The following GNG4 variants were observed in gnomAD, a reference collection of about 807,000 sequenced individuals.
The protein encoded by GNG4 is guanine nucleotide-binding protein G(I)/G(S)/G(O) subunit gamma-4.
In GNG4, 4 loss-of-function variants were observed where a neutral mutation model predicts 5.8. That is an observed-to-expected ratio of 0.69 (90% confidence interval 0.34 to 1.57). The LOEUF (loss-of-function observed/expected upper bound fraction) is 1.57, where lower values mean the gene tolerates loss of function less well. Among genes scored for constraint, GNG4 ranks in the 40% most tolerant of loss-of-function variants. The probability of loss-of-function intolerance (pLI) is 0.06; values close to 1 mark genes in which losing one functional copy is unlikely to be tolerated. For synonymous variants in GNG4, 29 were observed against 32.9 expected (o/e 0.88, Z 0.41); for missense variants, 96 against 95.1 (o/e 1.01, Z -0.04).
In GNG4 at chr1:235,580,751, T is replaced by G. The variant is rs563273714; in HGVS notation, c.99+2989A>C. 2.3e-3 allele frequency among the ~76,000 whole-genome samples: 335 copies of G among 146,540 alleles called. 2 individuals carry two copies. Among genetic ancestry groups the G allele is most frequent in the Admixed American group, 5.2e-3 (76 of 14,550 alleles). On this transcript the variant is annotated intron_variant, in intron 3 of 3. Transcript: ENST00000391854. ...GGCGGCCTATCCCGTTTTTTGTTTT[T>G]TTTTTTTTTTTTTTCCTGAGATGGG...
rs1686626648 is a variant in GNG4, at chr1:235,548,061, A to T, written c.*4048T>A. Reference sequence around the variant, plus strand: ...GATTCCATCGTGTGAATATACCCTAATGTGCTTATCCAGCCAACATGGGCA... The same window carrying T: ...GATTCCATCGTGTGAATATACCCTATTGTGCTTATCCAGCCAACATGGGCA... On this transcript the variant is annotated 3_prime_UTR_variant, in exon 4 of 4. Coordinates refer to ENST00000391854, the MANE Select transcript of GNG4 (RefSeq NM_001098722.2). The T allele has an allele frequency of 6.6e-6, 1 of 152,178 alleles. No homozygotes were observed. The highest frequency in any genetic ancestry group is 1.5e-5 in the Non-Finnish European group (1 of 68,038). 9.4% of individuals were successfully genotyped at this position (152,178 alleles called of 1,614,324 possible).
At chr1:235,645,481 C>T (rs890348936) in intron 1 of GNG4, among the ~76,000 whole-genome samples, 3 of 152,126 alleles carry the variant, frequency 2.0e-5, no homozygotes. Flanking sequence ...ACTTTTTCTG[C>T]TGTAGTTGTA....
intron 3 of GNG4, among the ~76,000 whole-genome samples, chr1:235,575,716 G>A (rs1029908956): frequency 1.1e-4 from 17 of 152,216 alleles, no homozygotes; most frequent in Non-Finnish European, 8.8e-5. Context: ...GCTTGCTCAA[G>A]GGTGTCTGTC....
intron 1 of GNG4, among the ~76,000 whole-genome samples, chr1:235,625,262 TA>T (rs997769055): frequency 3.9e-5 from 6 of 152,038 alleles, no homozygotes; most frequent in African/African-American, 1.4e-4. Context: ...TCCCGGCATT[TA>T]AAAAAAATAA....
Position 235,595,389 on chromosome 1 carries a change from A to G in GNG4, c.-11+11T>C, listed in dbSNP as rs1688099074. ...CTCCTGCCCCTACACAGGGTAAGTC[A>G]CTCTCCTTACCTGCTGAGAGGCAGC... On this transcript the variant is annotated intron_variant, in intron 2 of 3. Transcript: ENST00000391854. The G allele has an allele frequency of 6.6e-6, 1 of 151,994 alleles. No individual in the cohort carries two copies. Among genetic ancestry groups the G allele is most frequent in the Non-Finnish European group, 1.5e-5 (1 of 68,052 alleles). The allele number at this position is 151,994 out of a possible 1,614,324, so 9.4% of individuals were successfully genotyped here. A position where few individuals can be genotyped will look rare whatever the true frequency, so the allele number is the denominator to read the frequency against.
At chr1:235,553,779 A>G (rs424086) in intron 3 of GNG4, among the ~76,000 whole-genome samples, 1 of 152,046 alleles carries the variant, frequency 6.6e-6, no homozygotes, top group Non-Finnish European at 1.5e-5. Context: ...AGGCTTCTAG[A>G]TCTACCCCCG....
At chr1:235,570,323 T>C (rs1687300543) in intron 3 of GNG4, among the ~76,000 whole-genome samples, 1 of 151,688 alleles carries the variant, frequency 6.6e-6, no homozygotes, top group Admixed American at 6.6e-5. Context: ...TTTCCAGTGG[T>C]GCTCCCACCT....
chr1:235,564,028 C>T (rs988481676), intron 3 of GNG4, among the ~76,000 whole-genome samples: 1 of 152,002 alleles, frequency 6.6e-6, no homozygotes, highest in Non-Finnish European at 1.5e-5. Flanking sequence ...AGATGCTTAC[C>T]AACAGTGGAC....
intron 1 of GNG4, among the ~76,000 whole-genome samples, chr1:235,606,378 T>C (rs1380933813): frequency 2.0e-5 from 3 of 151,942 alleles, no homozygotes; most frequent in African/African-American, 7.2e-5. Flanking sequence ...CAAGACTCCG[T>C]CTTAAAAAAA....
chr1:235,628,422 G>A (rs890588182), intron 1 of GNG4, among the ~76,000 whole-genome samples: 14 of 150,630 alleles, frequency 9.3e-5, no homozygotes, highest in Admixed American at 4.6e-4. Flanking sequence ...GAGACGGGGG[G>A]GGGTTACAAG....
chr1:235,570,174 G>A (rs983307625), intron 3 of GNG4, among the ~76,000 whole-genome samples: 1 of 152,048 alleles, frequency 6.6e-6, no homozygotes, highest in Non-Finnish European at 1.5e-5. Flanking sequence ...GAATGCTCTT[G>A]TCAGTCTGGA....
intron 1 of GNG4, among the ~76,000 whole-genome samples, chr1:235,612,738 G>A (rs749029210): frequency 3.9e-5 from 6 of 152,140 alleles, no homozygotes; most frequent in Non-Finnish European, 8.8e-5. Flanking sequence ...ACCCAGGCTG[G>A]TCTTGAACAC....
At chr1:235,582,779 G>A (rs1571893242) in intron 3 of GNG4, among the ~76,000 whole-genome samples, 1 of 152,140 alleles carries the variant, frequency 6.6e-6, no homozygotes, top group African/African-American at 2.4e-5. Flanking sequence ...ACATCACGCT[G>A]GATTCCTTCC....
At chr1:235,559,350 A>T (rs1323674999) in intron 3 of GNG4, among the ~76,000 whole-genome samples, 4 of 152,216 alleles carry the variant, frequency 2.6e-5, no homozygotes, top group Non-Finnish European at 5.9e-5. Flanking sequence ...GCTTATCCTC[A>T]GTGGGATCCT....
rs1232915119 is a variant in GNG4, at chr1:235,644,221, C to A, written c.-123+5441G>T. Among the ~76,000 whole-genome samples the A allele has an allele frequency of 6.6e-6, 1 of 152,216 alleles. No individual in the cohort carries two copies. Among genetic ancestry groups the A allele is most frequent in the Non-Finnish European group, 1.5e-5 (1 of 68,034 alleles). On this transcript the variant is annotated intron_variant, in intron 1 of 3. Transcript: ENST00000391854. This position sits in a 1 kb window ranked among gnomAD's most constrained non-coding sequence, Gnocchi z 5.9. ...TCTGTCTCCATCAGATAAAATTCAG[C>A]CACAGCGGGAGGGAGCGTGTGAGAC...
chr1:235,556,948 T>C (rs1686925641), intron 3 of GNG4, among the ~76,000 whole-genome samples: 1 of 151,954 alleles, frequency 6.6e-6, no homozygotes, highest in Admixed American at 6.6e-5. Context: ...CAATTGGGTT[T>C]GTGCTCCTGT....
intron 3 of GNG4, among the ~76,000 whole-genome samples, chr1:235,562,505 C>T (rs1056869010): frequency 5.3e-5 from 8 of 151,734 alleles, no homozygotes; most frequent in African/African-American, 1.9e-4. Context: ...AAATTAGCTG[C>T]TGGGCATGGT....
intron 1 of GNG4, among the ~76,000 whole-genome samples, chr1:235,621,733 G>T (rs1342864749): frequency 6.6e-6 from 1 of 151,154 alleles, no homozygotes; most frequent in East Asian, 1.9e-4. Context: ...CTGGAGTGCA[G>T]TGGCATGATC....
intron 1 of GNG4, among the ~76,000 whole-genome samples, chr1:235,596,608 C>T (rs935407658): frequency 2.0e-5 from 3 of 152,200 alleles, no homozygotes; most frequent in Non-Finnish European, 4.4e-5. Context: ...AATGCCTTTT[C>T]CCAGAGATAA....
Sources: allele counts gnomAD v4.1 joint callset (sites outside exome capture counted in the v4.1 genomes callset), GRCh38; gene constraint gnomAD v4.1.1; non-coding constraint Gnocchi (gnomAD v3.1); transcripts MANE v1.5; gene names NCBI Gene and HGNC (gene_info 2026-07-23, HGNC 2026-07-21).